The following GPAT4 variants were observed in gnomAD, a reference collection of about 807,000 sequenced individuals.
The protein encoded by GPAT4 is 1-AGP acyltransferase 6.
GPAT4 carries 17 observed loss-of-function variants against 58.0 expected under a neutral mutation model. That is an observed-to-expected ratio of 0.29 (90% confidence interval 0.20 to 0.44). GPAT4 has a LOEUF of 0.44. Among genes scored for constraint, GPAT4 ranks in the 20% least tolerant of loss-of-function variants. The pLI, the probability that GPAT4 is intolerant of heterozygous loss-of-function variation, is 1.00. For missense variants in GPAT4, 377 were observed against 574.5 expected (o/e 0.66, Z 3.51); for synonymous variants, 204 against 210.1 (o/e 0.97, Z 0.25).
At chr8:41,596,061 A>G (rs28863238) in intron 1 of GPAT4, among the ~76,000 whole-genome samples, 2,902 of 152,298 alleles carry the variant, frequency 0.019, 73 homozygotes, top group African/African-American at 0.063. Context: ...TCTGATGGCC[A>G]ACGGCCACCT....
At chr8:41,610,223 G>C in intron 4 of GPAT4, 1 of 1,326,450 alleles carries the variant, frequency 7.5e-7, no homozygotes, top group Non-Finnish European at 9.6e-7. Flanking sequence ...GGAACATTGT[G>C]TGCTTTCTGC....
chr8:41,594,823 G>A lies in GPAT4; in HGVS notation c.-848-3469G>A, dbSNP rs548306756. On this transcript the variant is annotated intron_variant, in intron 1 of 12. Transcript: ENST00000396987. ...GCCTCCCAAAGTGCTGAGATTTCAG[G>A]CGTAAGCCACCGTGCCCGGCCCAAA... 2.7e-3 allele frequency among the ~76,000 whole-genome samples: 406 copies of A among 152,200 alleles called. 3 individuals carry two copies. Among genetic ancestry groups the A allele is most frequent in the African/African-American group, 9.1e-3 (380 of 41,548 alleles).
chr8:41,612,047 C>G, intron 6 of GPAT4, 55 bp downstream of exon 6: 5 of 1,600,390 alleles, frequency 3.1e-6, no homozygotes, highest in Non-Finnish European at 4.3e-6. Flanking sequence ...AAACACCACC[C>G]ACCTATACTT....
At chr8:41,605,376 C>T (rs1803229295) in intron 2 of GPAT4, among the ~76,000 whole-genome samples, 1 of 152,078 alleles carries the variant, frequency 6.6e-6, no homozygotes, top group South Asian at 2.1e-4. Flanking sequence ...TGAACTGGAT[C>T]CTAAAAGGGA....
At chr8:41,583,233 T>A (rs987033680) in intron 1 of GPAT4, among the ~76,000 whole-genome samples, 32 of 145,582 alleles carry the variant, frequency 2.2e-4, no homozygotes, top group African/African-American at 6.9e-4. Context: ...AAAAAAAAAA[T>A]AATATATATA....
intron 4 of GPAT4, 35 bp from the exon 5 acceptor site, chr8:41,610,701 T>G: frequency 1.3e-6 from 2 of 1,594,994 alleles, no homozygotes; most frequent in South Asian, 2.3e-5. Flanking sequence ...TAGAATGATT[T>G]GCTGGCTGTG....
At chr8:41,582,444 T>A (rs946994722) in intron 1 of GPAT4, among the ~76,000 whole-genome samples, 1 of 141,614 alleles carries the variant, frequency 7.1e-6, no homozygotes, top group Non-Finnish European at 1.6e-5. Flanking sequence ...TGGGAAAGTA[T>A]ACACACACAC....
chr8:41,582,065 G>A (rs1475999398), intron 1 of GPAT4, among the ~76,000 whole-genome samples: 1 of 138,800 alleles, frequency 7.2e-6, no homozygotes, highest in African/African-American at 2.7e-5. Flanking sequence ...CCTGAGTGCG[G>A]TGGCGAGATC....
At chr8:41,611,794 A>C in intron 5 of GPAT4, 109 bp from the exon 6 acceptor site, 2 of 948,382 alleles carry the variant, frequency 2.1e-6, no homozygotes, top group South Asian at 3.0e-5. Flanking sequence ...GCTGATGTCT[A>C]TACAAGCACT....
At chr8:41,587,273 A>G (rs906236500) in intron 1 of GPAT4, among the ~76,000 whole-genome samples, 2 of 152,210 alleles carry the variant, frequency 1.3e-5, no homozygotes, top group Admixed American at 6.5e-5. Flanking sequence ...ATGAGAAAGC[A>G]TGCTCCAGCC....
Position 41,612,798 on chromosome 8 carries a change from C to G in GPAT4, c.796-47C>G. 2.0e-6 allele frequency: 3 copies of G among 1,509,302 alleles called. No individual in the cohort carries two copies. The South Asian group carries it at 3.5e-5, about 17-fold the overall frequency. The allele number at this position is 1,509,302 out of a possible 1,614,324, so 93.5% of individuals were successfully genotyped here. A position where few individuals can be genotyped will look rare whatever the true frequency, so the allele number is the denominator to read the frequency against. ...TGGTTCTTCCTAGAGTGGGGAGATTCGTGTGAAGATGGCTTCACTACTAAT... is the reference window on the plus strand; with the variant it reads ...TGGTTCTTCCTAGAGTGGGGAGATTGGTGTGAAGATGGCTTCACTACTAAT... On this transcript the variant is annotated intron_variant, in intron 7 of 12. Coordinates refer to ENST00000396987, the MANE Select transcript of GPAT4 (RefSeq NM_178819.4).
chr8:41,608,426 C>T (rs1280163010), intron 2 of GPAT4, among the ~76,000 whole-genome samples: 1 of 152,242 alleles, frequency 6.6e-6, no homozygotes, highest in Non-Finnish European at 1.5e-5. Context: ...TCACTGTGGA[C>T]ATGACATAGC....
intron 2 of GPAT4, among the ~76,000 whole-genome samples, chr8:41,601,885 C>T (rs1803109764): frequency 6.6e-6 from 1 of 152,128 alleles, no homozygotes; most frequent in Non-Finnish European, 1.5e-5. Context: ...TTTATAGGAC[C>T]TGCAGTCTTG....
intron 12 of GPAT4, 59 bp from the exon 13 acceptor site, chr8:41,620,834 G>C: frequency 6.5e-7 from 1 of 1,548,184 alleles, no homozygotes; most frequent in South Asian, 1.2e-5. Context: ...ATCTCCCATG[G>C]TGTGAGCGTG....
intron 8 of GPAT4, 98 bp downstream of exon 8, chr8:41,613,058 C>A: frequency 1.0e-6 from 1 of 976,950 alleles, no homozygotes; most frequent in Non-Finnish European, 1.5e-6. Flanking sequence ...TGCCTTCTAT[C>A]ATAAGCCTAT....
chr8:41,594,694 C>T (rs868408401), intron 1 of GPAT4, among the ~76,000 whole-genome samples: 11 of 152,012 alleles, frequency 7.2e-5, no homozygotes, highest in Middle Eastern at 3.4e-3. Flanking sequence ...TACAGGCGCC[C>T]GCCACCACAC....
At chr8:41,584,489 A>G (rs765639827) in intron 1 of GPAT4, among the ~76,000 whole-genome samples, 5 of 152,346 alleles carry the variant, frequency 3.3e-5, no homozygotes, top group Non-Finnish European at 5.9e-5. Context: ...CAAGAGGAAT[A>G]AACTGTTGAC....
chr8:41,602,535 T>C (rs984271503), intron 2 of GPAT4, among the ~76,000 whole-genome samples: 1 of 152,040 alleles, frequency 6.6e-6, no homozygotes, highest in African/African-American at 2.4e-5. Context: ...CCTCTGTTAC[T>C]GCTCTGAGTC....
chr8:41,591,763 A>G (rs1439711628), intron 1 of GPAT4, among the ~76,000 whole-genome samples: 1 of 152,218 alleles, frequency 6.6e-6, no homozygotes, highest in East Asian at 1.9e-4. Flanking sequence ...CAGTTTTGTC[A>G]TATCTCTGTG....
Sources: gnomAD v4.1 joint callset for allele counts (sites outside exome capture counted in the v4.1 genomes callset) on GRCh38, gnomAD v4.1.1 for gene constraint, MANE v1.5 for transcripts, NCBI Gene and HGNC (gene_info 2026-07-23, HGNC 2026-07-21) for gene names.